Variants in ORMDL3 observed in about 807,000 individuals in gnomAD.
The protein encoded by ORMDL3 is ORMDL sphingolipid biosynthesis regulator 3.
ORMDL3 carries 6 observed loss-of-function variants against 12.6 expected under a neutral mutation model. The ratio of observed to expected loss-of-function variants is 0.48; its 90% confidence interval spans 0.26 to 0.94. The LOEUF is 0.94. Ranked by LOEUF, ORMDL3 falls within the 40% of genes least tolerant of loss-of-function variation. ORMDL3 has a pLI of 0.14. For synonymous variants in ORMDL3, 99 were observed against 87.2 expected (o/e 1.14, Z -0.75); for missense variants, 159 against 205.5 (o/e 0.77, Z 1.38).
chr17:39,926,922 C>G (rs987554336), intron 1 of ORMDL3: 12 of 985,880 alleles, frequency 1.2e-5, no homozygotes, highest in Non-Finnish European at 1.4e-5. Flanking sequence ...CCGCCCACCC[C>G]CCAAGCTGCA....
intron 2 of ORMDL3, 136 bp downstream of exon 2, chr17:39,923,894 T>C (rs1978318695): frequency 1.2e-5 from 11 of 884,808 alleles, no homozygotes; most frequent in Middle Eastern, 3.5e-4. Flanking sequence ...GCCTGGGCTC[T>C]GGAGGCAGAT....
rs1978501492 is a variant in ORMDL3, at chr17:39,927,519, TC to T, written c.-59del. 1 of 985,362 alleles carries T rather than the reference TC, an allele frequency of 1.0e-6. No homozygotes were observed. The highest frequency in any genetic ancestry group is 1.2e-6 in the Non-Finnish European group (1 of 829,932). 61.0% of individuals were successfully genotyped at this position (985,362 alleles called of 1,614,324 possible). A position where few individuals can be genotyped will look rare whatever the true frequency, so the allele number is the denominator to read the frequency against. ...CGAAGATCAACGGCCCGGGAACGGT[TC>T]CCGGGAGCGGGGGCCGCTGCTGCTC... is the stretch of plus-strand genomic sequence containing the variant. On this transcript the variant is annotated 5_prime_UTR_variant, in exon 1 of 4. Coordinates refer to ENST00000304046, the MANE Select transcript of ORMDL3 (RefSeq NM_139280.4).
At position 39,923,938 on chromosome 17, in the gene ORMDL3, GCCC is replaced by G; in HGVS notation, c.174+89_174+91del. 7 of 1,328,998 alleles carry G rather than the reference GCCC, an allele frequency of 5.3e-6. No individual in the cohort carries two copies. In the South Asian group the frequency reaches 1.0e-4, roughly 20 times the overall value. The allele number at this position is 1,328,998 out of a possible 1,614,324, so 82.3% of individuals were successfully genotyped here. Reference sequence around the variant, plus strand: ...TACATCACCCTGACACCTGGGCCAGGCCCGACAGGCTCCTCCTATCCCTCAGCC... The same window carrying G: ...TACATCACCCTGACACCTGGGCCAGGGACAGGCTCCTCCTATCCCTCAGCC... On this transcript the variant is annotated intron_variant, in intron 2 of 3. Coordinates refer to ENST00000304046, the MANE Select transcript of ORMDL3 (RefSeq NM_139280.4).
chr17:39,923,371 T>C, intron 2 of ORMDL3, 108 bp from the exon 3 acceptor site: 9 of 1,277,918 alleles, frequency 7.0e-6, no homozygotes, highest in South Asian at 6.5e-5. Flanking sequence ...GGAGCCTCCC[T>C]CTGCTGGGCA....
chr17:39,924,626 T>A, intron 1 of ORMDL3: 1 of 165,968 alleles, frequency 6.0e-6, no homozygotes, highest in Non-Finnish European at 1.3e-5. Flanking sequence ...CCTGCTGGAC[T>A]GTGTCTCACT....
chr17:39,926,783 C>T, intron 1 of ORMDL3: 9 of 985,948 alleles, frequency 9.1e-6, no homozygotes, highest in Non-Finnish European at 1.1e-5. Flanking sequence ...CCCATTCCCT[C>T]CCCCAGGAAA....
chr17:39,922,511 C>G lies in ORMDL3; in HGVS notation c.*39G>C, dbSNP rs766175646. 2 of 1,599,618 alleles carry G rather than the reference C, an allele frequency of 1.3e-6. No individual in the cohort carries two copies. The highest frequency in any genetic ancestry group is 1.7e-6 in the Non-Finnish European group (2 of 1,173,882). ...TGCAGCACATGCCTTTTACCCTACC[C>G]CTCCCCTGCCACCCTGGGCAGGGGA... On this transcript the variant is annotated 3_prime_UTR_variant, in exon 4 of 4. Transcript: ENST00000304046.
intron 1 of ORMDL3, chr17:39,926,112 G>C (rs28541857): frequency 6.6e-6 from 1 of 152,332 alleles, no homozygotes; most frequent in East Asian, 1.9e-4. Flanking sequence ...AGGGGTGCTG[G>C]TATAGAAAGT....
At chr17:39,925,026 G>C (rs1978341052) in intron 1 of ORMDL3, 1 of 152,462 alleles carries the variant, frequency 6.6e-6, no homozygotes, top group Non-Finnish European at 1.5e-5. Context: ...CCCCACAAGA[G>C]AGGCGAGGAT....
chr17:39,923,405 G>C (rs1978312992), intron 2 of ORMDL3, 142 bp from the exon 3 acceptor site: 1 of 942,072 alleles, frequency 1.1e-6, no homozygotes, highest in Non-Finnish European at 1.6e-6. Context: ...TGGAGGTCAG[G>C]ATGGAGCAGC....
intron 1 of ORMDL3, among the ~76,000 whole-genome samples, chr17:39,924,973 T>G (rs73307962): frequency 0.018 from 2,683 of 152,142 alleles, 96 homozygotes; most frequent in African/African-American, 0.061. Context: ...GGCCAACCCT[T>G]GTGATGCTAC....
Position 39,922,303 on chromosome 17 carries a change from T to C in ORMDL3, c.*247A>G. 2.5e-6 allele frequency: 1 copy of C among 394,058 alleles called. No homozygotes were observed. The highest frequency in any genetic ancestry group is 4.6e-6 in the Non-Finnish European group (1 of 217,908). 24.4% of individuals were successfully genotyped at this position (394,058 alleles called of 1,614,324 possible). On this transcript the variant is annotated 3_prime_UTR_variant, in exon 4 of 4. Transcript: ENST00000304046. ...CATGACCAACTCCATGGAGTCTCTA[T>C]TCAAAAAGCAAAAGGAAAAGATCAA...
intron 1 of ORMDL3, 141 bp downstream of exon 1, chr17:39,927,343 A>C (rs1978488088): frequency 4.0e-6 from 2 of 496,212 alleles, no homozygotes; most frequent in Non-Finnish European, 5.0e-6. Context: ...CAGCCGATGC[A>C]CCCCCTCGGC....
At chr17:39,927,108 G>A in intron 1 of ORMDL3, 1 of 679,322 alleles carries the variant, frequency 1.5e-6, no homozygotes, top group Non-Finnish European at 1.8e-6. Flanking sequence ...GTGCGGGGCC[G>A]GGGGGAGGGG....
chr17:39,926,614 G>C (rs930786671), intron 1 of ORMDL3: 1 of 223,812 alleles, frequency 4.5e-6, no homozygotes, highest in Non-Finnish European at 7.5e-6. Flanking sequence ...AGAGCCTGCA[G>C]CAACTCTGTT....
At chr17:39,926,286 C>T (rs1039139720) in intron 1 of ORMDL3, 4 of 152,276 alleles carry the variant, frequency 2.6e-5, no homozygotes, top group African/African-American at 9.6e-5. Flanking sequence ...TCAGAAGCTT[C>T]TTCCTGAAGC....
rs1598285034 is a variant in ORMDL3, at chr17:39,922,093, T to C, written c.*457A>G. On this transcript the variant is annotated 3_prime_UTR_variant, in exon 4 of 4. Transcript: ENST00000304046. ...TGCTTCCATACACAAAAGCACACAC[T>C]GCGTGGCATCGAAAAAACCTAGGAA... 6.5e-6 allele frequency: 1 copy of C among 154,798 alleles called. No homozygotes were observed. Among genetic ancestry groups the C allele is most frequent in the East Asian group, 1.9e-4 (1 of 5,362 alleles). The allele number at this position is 154,798 out of a possible 1,614,324, so 9.6% of individuals were successfully genotyped here.
In ORMDL3 at chr17:39,922,688, G is replaced by A. The variant is rs1978305593; in HGVS notation, c.327-3C>T. The stretch of plus-strand genomic sequence containing the variant: ...TGTAGAAGCTGGTGAGGAAGTACCT[G>A]GGAGGGGAAGGGTGGGGAGAGATAT... On this transcript the variant is annotated splice_polypyrimidine_tract_variant and splice_region_variant and intron_variant, in intron 3 of 3. Coordinates refer to ENST00000304046, the MANE Select transcript of ORMDL3 (RefSeq NM_139280.4). The A allele has an allele frequency of 1.2e-6, 2 of 1,613,706 alleles. No homozygotes were observed. The highest frequency in any genetic ancestry group is 2.7e-5 in the African/African-American group (2 of 75,028).
At chr17:39,923,385 G>C in intron 2 of ORMDL3, 122 bp from the exon 3 acceptor site, 9 of 1,158,854 alleles carry the variant, frequency 7.8e-6, no homozygotes, top group African/African-American at 1.5e-5. Flanking sequence ...CTGGGCAGGG[G>C]GATATGGGCT....
Sources: allele counts gnomAD v4.1 joint callset (sites outside exome capture counted in the v4.1 genomes callset), GRCh38; gene constraint gnomAD v4.1.1; transcripts MANE v1.5; gene names NCBI Gene and HGNC (gene_info 2026-07-23, HGNC 2026-07-21).